HMCN1: variants seen among roughly 807,000 people sequenced by gnomAD.
HMCN1 encodes hemicentin-1.
A neutral mutation model predicts 625.9 loss-of-function variants in HMCN1; 321 were observed. The observed-to-expected ratio is 0.51, with a 90% CI of 0.47 to 0.56. The LOEUF is 0.56. Ranked by LOEUF, HMCN1 falls within the 20% of genes least tolerant of loss-of-function variation. HMCN1 has a pLI of 0.00. For missense variants in HMCN1, 6,588 were observed against 6,887.3 expected, an observed-to-expected ratio of 0.96 and a Z score of 1.54; for synonymous variants, 2,425 against 2,417.6, an observed-to-expected ratio of 1.00 and a Z score of -0.09.
chr1:185,818,592 A>G (rs1440422899), intron 1 of HMCN1, among the ~76,000 whole-genome samples: 2 of 152,174 alleles, frequency 1.3e-5, no homozygotes, highest in African/African-American at 2.4e-5. Context: ...ATAATACAAT[A>G]TGGATTTTTA....
At chr1:186,107,112 G>A in intron 70 of HMCN1, 147 bp downstream of exon 70, 2 of 644,486 alleles carry the variant, frequency 3.1e-6, no homozygotes, top group Non-Finnish European at 5.6e-6. Context: ...TTGAGACGGA[G>A]TCTCGCTTTG....
rs757139146 is a variant in HMCN1 at position 186,095,323 on chromosome 1, A to G, written c.10375A>G (p.Thr3459Ala). The change falls in exon 68 of 107, where the codon ACT (threonine) becomes GCT (alanine). Residue 3459 changes from threonine (T) to alanine (A), a missense_variant. By Grantham distance (58) the Thr-to-Ala change is moderately conservative. Around this residue, in one of 3 missense-constraint regions of HMCN1, gnomAD observed 4,628 missense variants for 4,853.1 expected, o/e 0.95. Transcript: ENST00000271588. ...TAGTTCCACCTCTATGGCATGCATT[A>G]CTGATGGAACCCCAGCTCCCAGTAT... ...KGSSTSMACI[T>A]DGTPAPSMAW... is the part of the protein sequence containing the mutation. 4 of 1,613,694 alleles carry G rather than the reference A, an allele frequency of 2.5e-6. No homozygotes were observed. Among genetic ancestry groups the G allele is most frequent in the African/African-American group, 1.3e-5 (1 of 74,904 alleles).
At chr1:185,782,418 G>C (rs1657194704) in intron 1 of HMCN1, among the ~76,000 whole-genome samples, 1 of 152,184 alleles carries the variant, frequency 6.6e-6, no homozygotes, top group Non-Finnish European at 1.5e-5. Flanking sequence ...TTGCTCATTA[G>C]TTGATGCAGA....
intron 1 of HMCN1, among the ~76,000 whole-genome samples, chr1:185,840,195 G>A (rs1380353158): frequency 6.6e-6 from 1 of 152,146 alleles, no homozygotes; most frequent in Admixed American, 6.5e-5. Flanking sequence ...TGGAACGCAT[G>A]TATTGTAGAT....
intron 93 of HMCN1, among the ~76,000 whole-genome samples, chr1:186,148,607 C>T (rs999836119): frequency 6.6e-6 from 1 of 152,052 alleles, no homozygotes; most frequent in African/African-American, 2.4e-5. Context: ...CTCCAGGGTT[C>T]AAGCGATTCT....
chr1:186,167,599 AAT>A (rs1651960170), intron 100 of HMCN1, among the ~76,000 whole-genome samples: 1 of 152,248 alleles, frequency 6.6e-6, no homozygotes, highest in Non-Finnish European at 1.5e-5. Flanking sequence ...TGTGGTACAG[AAT>A]AGTTTCATTG....
At chr1:186,161,817 T>A (rs1291522401) in intron 97 of HMCN1, among the ~76,000 whole-genome samples, 1 of 152,230 alleles carries the variant, frequency 6.6e-6, no homozygotes, top group Non-Finnish European at 1.5e-5. Context: ...CTTCCCTTTG[T>A]GGGTAACCCA....
At position 186,167,048 on chromosome 1, in the gene HMCN1, C is replaced by T. The variant is rs1651926027; in HGVS notation, c.15574+106C>T. 1.0e-5 allele frequency: 14 copies of T among 1,393,564 alleles called. No homozygotes were observed. In the South Asian group the frequency reaches 1.5e-4, roughly 15 times the overall value. The allele number at this position is 1,393,564 out of a possible 1,614,324, so 86.3% of individuals were successfully genotyped here. ...CTCAGAAACTCCACGAGGAAGGGAC[C>T]ACATAAAAGGGAGAGAATGAGGAGA... On this transcript the variant is annotated intron_variant, in intron 100 of 106. Coordinates refer to ENST00000271588, the MANE Select transcript of HMCN1 (RefSeq NM_031935.3).
intron 36 of HMCN1, 64 bp from the exon 37 acceptor site, chr1:186,037,870 G>A: frequency 1.0e-6 from 1 of 976,636 alleles, no homozygotes; most frequent in Non-Finnish European, 1.7e-6. Flanking sequence ...TTTTAATTGA[G>A]CAAACAATTT....
chr1:186,106,556 T>C (rs1434418873), intron 69 of HMCN1, among the ~76,000 whole-genome samples: 1 of 152,244 alleles, frequency 6.6e-6, no homozygotes, highest in Non-Finnish European at 1.5e-5. Flanking sequence ...AACCCATGAA[T>C]ATTTGTTTCT....
At chr1:185,806,171 G>A (rs933123403) in intron 1 of HMCN1, among the ~76,000 whole-genome samples, 3 of 151,816 alleles carry the variant, frequency 2.0e-5, no homozygotes, top group Non-Finnish European at 2.9e-5. Flanking sequence ...ATAACTCTAC[G>A]AAGTAGTTCT....
At chr1:186,144,483 C>T (rs759040046) in intron 90 of HMCN1, 50 bp from the exon 91 acceptor site, 36 of 1,612,764 alleles carry the variant, frequency 2.2e-5, no homozygotes, top group South Asian at 4.4e-5. Context: ...GAGTGTAACA[C>T]GATGGTTCCT....
intron 1 of HMCN1, among the ~76,000 whole-genome samples, chr1:185,824,326 T>C (rs375737758): frequency 6.6e-6 from 1 of 152,160 alleles, no homozygotes; most frequent in South Asian, 2.1e-4. Flanking sequence ...AATCTCCTCT[T>C]TCTCTAAACT....
chr1:186,035,185 C>T (rs1655738634), intron 36 of HMCN1, among the ~76,000 whole-genome samples: 1 of 152,008 alleles, frequency 6.6e-6, no homozygotes, highest in Admixed American at 6.6e-5. Context: ...AATCAGAATT[C>T]AGTGCAGAAA....
chr1:185,835,599 G>A (rs2102298230), intron 1 of HMCN1, among the ~76,000 whole-genome samples: 1 of 151,714 alleles, frequency 6.6e-6, no homozygotes, highest in South Asian at 2.1e-4. Context: ...TCTAAATCTA[G>A]GATGCTTTTA....
intron 1 of HMCN1, among the ~76,000 whole-genome samples, chr1:185,743,609 T>A (rs951211382): frequency 7.9e-5 from 12 of 152,244 alleles, no homozygotes; most frequent in African/African-American, 2.9e-4. Flanking sequence ...AGAGGATCCA[T>A]GTTGTAAGTG....
chr1:186,153,624 A>G, intron 96 of HMCN1, 126 bp from the exon 97 acceptor site: 2 of 789,108 alleles, frequency 2.5e-6, no homozygotes, highest in African/African-American at 1.7e-5. Flanking sequence ...GTTTACCATC[A>G]TGCATGATGT....
Position 186,030,451 on chromosome 1 carries a change from C to G in HMCN1, c.5749+7298C>G, listed in dbSNP as rs76856900. The stretch of plus-strand genomic sequence containing the variant: ...TTTTTTTTAAAGTCCTACTTTGTTG[C>G]CAGTAACAGTTTTTCTTGAAGTCTA... On this transcript the variant is annotated intron_variant, in intron 36 of 106. Transcript: ENST00000271588. Among the ~76,000 whole-genome samples the G allele has an allele frequency of 5.4e-3, 825 of 152,042 alleles. 4 individuals carry two copies. Among genetic ancestry groups the G allele is most frequent in the Middle Eastern group, 0.024 (7 of 294 alleles).
At chr1:185,995,541 G>A (rs1009317902) in intron 24 of HMCN1, among the ~76,000 whole-genome samples, 1 of 152,040 alleles carries the variant, frequency 6.6e-6, no homozygotes, top group South Asian at 2.1e-4. Context: ...AATACTGATC[G>A]AGCTCTTGCC....
Sources: gnomAD v4.1 joint callset for allele counts (sites outside exome capture counted in the v4.1 genomes callset) on GRCh38, gnomAD v4.1.1 for gene constraint, gnomAD v4.1.1 regional missense constraint, MANE v1.5 for transcripts, NCBI Gene and HGNC (gene_info 2026-07-23, HGNC 2026-07-21) for gene names.